The following SNTG2 variants were observed in gnomAD, a reference collection of about 807,000 sequenced individuals.
The protein encoded by SNTG2 is gamma-2-syntrophin.
In SNTG2, 74 loss-of-function variants were observed where a neutral mutation model predicts 70.9. The ratio of observed to expected loss-of-function variants is 1.04; its 90% CI spans 0.86 to 1.27. SNTG2 has a LOEUF of 1.27. SNTG2 is among the 50% of genes most tolerant of loss of function. The probability of loss-of-function intolerance (pLI) is 0.00; values close to 1 mark genes in which losing one functional copy is unlikely to be tolerated. For missense variants in SNTG2, 717 were observed against 690.7 expected, an observed-to-expected ratio of 1.04 and a Z score of -0.43; for synonymous variants, 278 against 273.8, an observed-to-expected ratio of 1.02 and a Z score of -0.15.
At chr2:993,782 G>A (rs991969892) in intron 1 of SNTG2, among the ~76,000 whole-genome samples, 2 of 152,008 alleles carry the variant, frequency 1.3e-5, no homozygotes, top group African/African-American at 4.8e-5. Context: ...ATAATGTTAA[G>A]TATCTTCACA....
intron 6 of SNTG2, among the ~76,000 whole-genome samples, chr2:1,149,397 G>C (rs1051965690): frequency 2.6e-5 from 4 of 152,120 alleles, no homozygotes; most frequent in African/African-American, 9.7e-5. Context: ...TTAGAAAAAA[G>C]GACAGTTGTG....
At chr2:1,015,179 G>A (rs1360277630) in intron 1 of SNTG2, among the ~76,000 whole-genome samples, 3 of 152,134 alleles carry the variant, frequency 2.0e-5, no homozygotes, top group Non-Finnish European at 4.4e-5. Flanking sequence ...AGGCTTGTCC[G>A]AGGTAGAGAT....
intron 14 of SNTG2, among the ~76,000 whole-genome samples, chr2:1,267,877 A>C (rs1371153705): frequency 6.6e-6 from 1 of 152,226 alleles, no homozygotes; most frequent in East Asian, 1.9e-4. Flanking sequence ...GTTCCTGAGA[A>C]GTGATGACAC....
At chr2:1,275,290 AG>A (rs1442722756) in intron 14 of SNTG2, among the ~76,000 whole-genome samples, 2 of 152,206 alleles carry the variant, frequency 1.3e-5, no homozygotes, top group African/African-American at 4.8e-5. Flanking sequence ...TAAGCTCTGA[AG>A]ATACTCTTTT....
chr2:983,614 G>C (rs951443781), intron 1 of SNTG2, among the ~76,000 whole-genome samples: 41 of 152,248 alleles, frequency 2.7e-4, no homozygotes, highest in African/African-American at 8.4e-4. Context: ...CCCTTCTCCT[G>C]TTCTGCACTC....
At chr2:1,233,281 C>T (rs559180267) in intron 9 of SNTG2, among the ~76,000 whole-genome samples, 7 of 152,206 alleles carry the variant, frequency 4.6e-5, no homozygotes, top group South Asian at 4.2e-4. Context: ...TCATTGGTAG[C>T]GGATGTAGCA....
At chr2:1,060,640 C>T (rs1016926339) in intron 1 of SNTG2, among the ~76,000 whole-genome samples, 3 of 152,058 alleles carry the variant, frequency 2.0e-5, no homozygotes, top group Non-Finnish European at 4.4e-5. Flanking sequence ...ATGGGCCAAG[C>T]CTCGAATAAT....
intron 13 of SNTG2, among the ~76,000 whole-genome samples, chr2:1,262,667 A>AGTCCAGACGTAGTAACCGGAAGGCTCC (rs1678483366): frequency 1.5e-5 from 2 of 131,576 alleles, no homozygotes; most frequent in African/African-American, 5.9e-5. Flanking sequence ...CGGAAGGCTC[A>AGTCCAGACGTAGTAACCGGAAGGCTCC]GTCCAGACGA....
At chr2:1,188,836 A>G (rs771756288) in intron 8 of SNTG2, among the ~76,000 whole-genome samples, 32 of 152,174 alleles carry the variant, frequency 2.1e-4, no homozygotes, top group Non-Finnish European at 1.2e-4. Context: ...TGGGCATAGT[A>G]GTTTATCAAT....
rs779529109 is a variant in SNTG2 at position 1,098,216 on chromosome 2, CA to C, written c.232del (p.Arg78AspfsTer9). The stretch of plus-strand genomic sequence containing the variant: ...TAAAGCGCAGAACTGTTACACTCCG[CA>C]GACAGCCAGTTGGCGGCTTGGGCCT... Reference protein sequence around the residue: ...GRNRRTVTLRRQPVGGLGLSI... With the variant: ...GRNRRTVTLRXQPVGGLGLSI... On this transcript the variant is annotated frameshift_variant, in exon 3 of 17. Coordinates refer to ENST00000308624, the MANE Select transcript of SNTG2 (RefSeq NM_018968.4). LOFTEE classifies it high-confidence loss of function. The C allele has an allele frequency of 8.7e-6, 14 of 1,614,042 alleles. No homozygotes were observed. The South Asian group carries it at 1.4e-4, about 16-fold the overall frequency.
chr2:1,099,148 G>T (rs558844054), intron 4 of SNTG2, among the ~76,000 whole-genome samples: 1 of 152,170 alleles, frequency 6.6e-6, no homozygotes, highest in African/African-American at 2.4e-5. Flanking sequence ...CTCCCACCTG[G>T]TCCAGCAGCT....
chr2:1,061,164 G>A (rs551846213), intron 1 of SNTG2, among the ~76,000 whole-genome samples: 65 of 152,310 alleles, frequency 4.3e-4, no homozygotes, highest in African/African-American at 1.4e-3. Context: ...ATAGAGCCGC[G>A]TGATCCTGGG....
intron 13 of SNTG2, among the ~76,000 whole-genome samples, chr2:1,263,639 A>G (rs754897866): frequency 6.6e-6 from 1 of 152,208 alleles, no homozygotes; most frequent in Non-Finnish European, 1.5e-5. Context: ...GAAGCCAGGT[A>G]GCTGCAAAGC....
chr2:1,229,712 C>A (rs1049893127), intron 9 of SNTG2, among the ~76,000 whole-genome samples: 1 of 152,196 alleles, frequency 6.6e-6, no homozygotes, highest in Admixed American at 6.5e-5. Flanking sequence ...GAGGCTCAGG[C>A]GTGGCGGGCT....
At chr2:982,142 T>C (rs1213733370) in intron 1 of SNTG2, among the ~76,000 whole-genome samples, 1 of 152,242 alleles carries the variant, frequency 6.6e-6, no homozygotes, top group African/African-American at 2.4e-5. Flanking sequence ...TCTTGGTCTT[T>C]CCATAAATTT....
intron 4 of SNTG2, among the ~76,000 whole-genome samples, chr2:1,121,913 A>G (rs1397001377): frequency 6.6e-6 from 1 of 151,050 alleles, no homozygotes; most frequent in Non-Finnish European, 1.5e-5. Context: ...AAATAAATAA[A>G]AAAAGTGAAG....
At chr2:1,136,587 T>G (rs75340589) in intron 4 of SNTG2, among the ~76,000 whole-genome samples, 1 of 152,250 alleles carries the variant, frequency 6.6e-6, no homozygotes, top group Non-Finnish European at 1.5e-5. Context: ...ATATTTAGAA[T>G]TGACAGTTAA....
chr2:1,045,378 T>G (rs1283226350), intron 1 of SNTG2, among the ~76,000 whole-genome samples: 1 of 152,128 alleles, frequency 6.6e-6, no homozygotes, highest in Non-Finnish European at 1.5e-5. Flanking sequence ...CACATCTCAG[T>G]TTCATTCAGT....
intron 1 of SNTG2, among the ~76,000 whole-genome samples, chr2:980,695 T>TACACACACAC (rs10648703): frequency 1.8e-3 from 269 of 150,112 alleles, no homozygotes; most frequent in Middle Eastern, 3.5e-3. Context: ...TAGACACATG[T>TACACACACAC]ACACACACAC....
Sources: allele counts gnomAD v4.1 joint callset (sites outside exome capture counted in the v4.1 genomes callset), GRCh38; gene constraint gnomAD v4.1.1; transcripts MANE v1.5; gene names NCBI Gene and HGNC (gene_info 2026-07-23, HGNC 2026-07-21).